Variants in CAPZB observed in about 807,000 individuals in gnomAD.
CAPZB encodes F-actin-capping protein subunit beta.
CAPZB carries 2 observed loss-of-function variants against 38.1 expected under a neutral mutation model. That is an observed-to-expected ratio of 0.05 (90% CI 0.02 to 0.17). The LOEUF (loss-of-function observed/expected upper bound fraction) is 0.17. Ranked by LOEUF, CAPZB falls within the 10% of genes least tolerant of loss-of-function variation. The pLI is 1.00. For missense variants in CAPZB, 161 were observed against 334.2 expected (o/e 0.48, Z 4.04); for synonymous variants, 107 against 127.4 (o/e 0.84, Z 1.08).
At chr1:19,430,961 C>T (rs1292934472) in intron 1 of CAPZB, among the ~76,000 whole-genome samples, 1 of 152,172 alleles carries the variant, frequency 6.6e-6, no homozygotes, top group African/African-American at 2.4e-5. Flanking sequence ...TGAGCTGGAG[C>T]ATTTTCTCTT....
At chr1:19,452,804 T>G (rs1200893762) in intron 1 of CAPZB, among the ~76,000 whole-genome samples, 2 of 149,416 alleles carry the variant, frequency 1.3e-5, no homozygotes, top group Non-Finnish European at 3.0e-5. Flanking sequence ...TTTTTTTTTT[T>G]TTTTTTTGTC....
chr1:19,408,259 G>A (rs1257361846), intron 2 of CAPZB, among the ~76,000 whole-genome samples: 1 of 152,208 alleles, frequency 6.6e-6, no homozygotes, highest in Non-Finnish European at 1.5e-5. Flanking sequence ...GCCCTAGGAA[G>A]CCAACAAAGG....
intron 4 of CAPZB, among the ~76,000 whole-genome samples, chr1:19,361,292 C>T (rs958649883): frequency 6.6e-6 from 1 of 152,204 alleles, no homozygotes; most frequent in Non-Finnish European, 1.5e-5. Flanking sequence ...GTGAGTCAGA[C>T]GTGCTGAGAC....
chr1:19,454,326 C>A (rs914447134), intron 1 of CAPZB, among the ~76,000 whole-genome samples: 2 of 152,176 alleles, frequency 1.3e-5, no homozygotes, highest in Non-Finnish European at 2.9e-5. Context: ...AAGATGTAAA[C>A]CCCAAAGAGC....
intron 1 of CAPZB, among the ~76,000 whole-genome samples, chr1:19,469,814 C>T (rs2094580978): frequency 6.6e-6 from 1 of 150,790 alleles, no homozygotes; most frequent in Non-Finnish European, 1.5e-5. Context: ...ACAGAGAGCA[C>T]AGTAAAGGGC....
chr1:19,417,851 A>T (rs2094386520), intron 2 of CAPZB, among the ~76,000 whole-genome samples: 1 of 152,118 alleles, frequency 6.6e-6, no homozygotes, highest in African/African-American at 2.4e-5. Flanking sequence ...AAATCAGGAT[A>T]TTCTGCTGGG....
At chr1:19,485,240 G>A (rs1399091683) in intron 1 of CAPZB, among the ~76,000 whole-genome samples, 196 bp downstream of exon 1, 4 of 152,142 alleles carry the variant, frequency 2.6e-5, no homozygotes, top group African/African-American at 7.2e-5. Flanking sequence ...AGCGGGGGCA[G>A]GGTCACTGCC....
intron 6 of CAPZB, among the ~76,000 whole-genome samples, chr1:19,348,531 G>A (rs1483181929): frequency 6.6e-6 from 1 of 152,116 alleles, no homozygotes; most frequent in Non-Finnish European, 1.5e-5. Context: ...TGCTAGGGGA[G>A]ACACAAGAGA....
chr1:19,402,192 G>A (rs1194880719), intron 2 of CAPZB, among the ~76,000 whole-genome samples: 4 of 152,168 alleles, frequency 2.6e-5, no homozygotes, highest in Non-Finnish European at 4.4e-5. Flanking sequence ...CCAGGGCTGC[G>A]AAGGAATCAA....
At chr1:19,481,819 G>A (rs755992904) in intron 1 of CAPZB, among the ~76,000 whole-genome samples, 2 of 152,180 alleles carry the variant, frequency 1.3e-5, no homozygotes, top group African/African-American at 2.4e-5. Flanking sequence ...TCATGCAGAT[G>A]TGCCTGCAGG....
At chr1:19,403,733 GA>G (rs2100378086) in intron 2 of CAPZB, among the ~76,000 whole-genome samples, 1 of 152,310 alleles carries the variant, frequency 6.6e-6, no homozygotes, top group African/African-American at 2.4e-5. Flanking sequence ...AACATTCATT[GA>G]ACTGCTCTAA....
At chr1:19,450,686 G>C (rs781450647) in intron 1 of CAPZB, among the ~76,000 whole-genome samples, 2 of 152,148 alleles carry the variant, frequency 1.3e-5, no homozygotes, top group Non-Finnish European at 2.9e-5. Flanking sequence ...AGAGAAGCTG[G>C]GCACAAGGCC....
intron 1 of CAPZB, among the ~76,000 whole-genome samples, chr1:19,473,729 T>G (rs1371127076): frequency 6.6e-6 from 1 of 152,164 alleles, no homozygotes; most frequent in Non-Finnish European, 1.5e-5. Flanking sequence ...CCGGGCATAG[T>G]GGCACGTGCC....
chr1:19,418,820 C>G (rs2094390790), intron 2 of CAPZB, among the ~76,000 whole-genome samples: 1 of 152,202 alleles, frequency 6.6e-6, no homozygotes. Context: ...AGCATATGAA[C>G]AAGTTCCCAA....
intron 1 of CAPZB, among the ~76,000 whole-genome samples, chr1:19,431,340 G>GCTT (rs2094441113): frequency 6.6e-6 from 1 of 152,192 alleles, no homozygotes; most frequent in African/African-American, 2.4e-5. Flanking sequence ...AATCCAAAAT[G>GCTT]CTTCTGGTCC....
intron 6 of CAPZB, among the ~76,000 whole-genome samples, chr1:19,353,377 A>G (rs1216047848): frequency 6.6e-6 from 1 of 152,110 alleles, no homozygotes. Context: ...GAGGAACTCG[A>G]GTGAGGGGCT....
chr1:19,454,501 G>C (rs1015441826), intron 1 of CAPZB, among the ~76,000 whole-genome samples: 1 of 152,194 alleles, frequency 6.6e-6, no homozygotes, highest in Admixed American at 6.5e-5. Flanking sequence ...TGAGCGCTTA[G>C]AGTAGTGGCA....
chr1:19,429,960 A>C (rs1183279654), intron 1 of CAPZB, among the ~76,000 whole-genome samples: 1 of 152,142 alleles, frequency 6.6e-6, no homozygotes. Flanking sequence ...TGTCCATGGA[A>C]GATCACCTTC....
chr1:19,419,112 G>C (rs889411842), intron 2 of CAPZB, among the ~76,000 whole-genome samples: 7 of 152,196 alleles, frequency 4.6e-5, no homozygotes, highest in African/African-American at 1.7e-4. Flanking sequence ...GCAACATCTT[G>C]AGACCAATCA....
Sources: allele counts gnomAD v4.1 joint callset (sites outside exome capture counted in the v4.1 genomes callset), GRCh38; gene constraint gnomAD v4.1.1; transcripts MANE v1.5; gene names NCBI Gene and HGNC (gene_info 2026-07-23, HGNC 2026-07-21).